Variants in AFF3 observed in about 807,000 individuals in gnomAD.
AFF3 encodes ALF transcription elongation factor 3, also known as AF4/FMR2 family member 3.
AFF3 carries 32 observed loss-of-function variants against 129.7 expected under a neutral mutation model. The observed-to-expected ratio is 0.25, with a 90% CI of 0.19 to 0.33. The LOEUF is 0.33. Ranked by LOEUF, AFF3 falls within the 10% of genes least tolerant of loss-of-function variation. The pLI is 1.00. For missense variants in AFF3, 1,373 were observed against 1,592.0 expected, an observed-to-expected ratio of 0.86 and a Z score of 2.34; for synonymous variants, 644 against 635.4, an observed-to-expected ratio of 1.01 and a Z score of -0.20.
intron 13 of AFF3, among the ~76,000 whole-genome samples, chr2:99,639,270 T>G (rs1014589876): frequency 6.6e-6 from 1 of 152,152 alleles, no homozygotes; most frequent in Non-Finnish European, 1.5e-5. Context: ...TTGTGGAAAT[T>G]AGTACTAGGG....
chr2:99,983,511 C>T (rs1464055350), intron 7 of AFF3, among the ~76,000 whole-genome samples: 1 of 152,160 alleles, frequency 6.6e-6, no homozygotes, highest in Non-Finnish European at 1.5e-5. Context: ...TACTTGACAA[C>T]ATCTCTGCTA....
intron 7 of AFF3, among the ~76,000 whole-genome samples, chr2:99,901,747 C>T (rs1266956769): frequency 6.6e-6 from 1 of 152,192 alleles, no homozygotes; most frequent in Non-Finnish European, 1.5e-5. Flanking sequence ...CTCCCTGCAT[C>T]TGCTCTTTCT....
At chr2:100,081,443 C>G (rs916103878) in intron 4 of AFF3, among the ~76,000 whole-genome samples, 2 of 151,812 alleles carry the variant, frequency 1.3e-5, no homozygotes, top group African/African-American at 4.8e-5. Context: ...AAAATCGCCA[C>G]CATGTCAGTG....
intron 14 of AFF3, among the ~76,000 whole-genome samples, chr2:99,600,765 A>T (rs916196532): frequency 2.0e-5 from 3 of 151,974 alleles, no homozygotes; most frequent in African/African-American, 7.3e-5. Context: ...TTACTATTTA[A>T]TTTTCCCCTT....
chr2:99,926,211 CGA>C (rs1268134021), intron 7 of AFF3, among the ~76,000 whole-genome samples: 1 of 152,158 alleles, frequency 6.6e-6, no homozygotes, highest in Admixed American at 6.5e-5. Flanking sequence ...GAAAGGAAAG[CGA>C]GAGAGCTAGT....
At chr2:100,032,716 G>A (rs567027034) in intron 4 of AFF3, among the ~76,000 whole-genome samples, 1 of 152,184 alleles carries the variant, frequency 6.6e-6, no homozygotes, top group African/African-American at 2.4e-5. Flanking sequence ...GCCAATTTTT[G>A]TCAAAAGTTA....
In AFF3 at chr2:99,565,445, C is replaced by G. The variant is rs1575368438; in HGVS notation, c.3119+42G>C. On this transcript the variant is annotated intron_variant, in intron 20 of 24. Transcript: ENST00000672756. ...TGTAACCATAGTGCTTCCACACATT[C>G]CTCACTCCTCCCCTCATCCAGCAAG... is the stretch of plus-strand genomic sequence containing the variant. 5.0e-6 allele frequency: 8 copies of G among 1,602,432 alleles called. No individual in the cohort carries two copies. In the African/African-American group the frequency reaches 5.4e-5, roughly 11 times the overall value.
intron 19 of AFF3, among the ~76,000 whole-genome samples, chr2:99,566,472 T>C (rs1675978818): frequency 6.6e-6 from 1 of 152,168 alleles, no homozygotes; most frequent in Admixed American, 6.5e-5. Context: ...CACTCGAGCC[T>C]GGAAGTTTGA....
intron 11 of AFF3, among the ~76,000 whole-genome samples, chr2:99,699,467 A>G (rs1259450961): frequency 1.3e-5 from 2 of 152,200 alleles, no homozygotes; most frequent in Non-Finnish European, 2.9e-5. Context: ...AAAAGTGGGG[A>G]GAGCAATTCT....
chr2:99,925,210 T>C (rs373114983), intron 7 of AFF3, among the ~76,000 whole-genome samples: 1 of 152,154 alleles, frequency 6.6e-6, no homozygotes, highest in Admixed American at 6.5e-5. Context: ...AACTACAGCA[T>C]GAAGTATAAA....
chr2:99,687,256 T>C (rs6728654), intron 11 of AFF3, among the ~76,000 whole-genome samples: 9,153 of 152,314 alleles, frequency 0.06, 914 homozygotes, highest in African/African-American at 0.21. Flanking sequence ...CATGCAGCCA[T>C]TTTTAATAGT....
At chr2:99,794,182 T>C (rs10496342) in intron 8 of AFF3, among the ~76,000 whole-genome samples, 25,579 of 152,206 alleles carry the variant, frequency 0.17, 2,356 homozygotes, top group Non-Finnish European at 0.2. Flanking sequence ...TCTATTTTCC[T>C]TTTGCTATGG....
At chr2:100,038,668 T>A (rs35774174) in intron 4 of AFF3, among the ~76,000 whole-genome samples, 23,651 of 151,856 alleles carry the variant, frequency 0.16, 2,097 homozygotes, top group East Asian at 0.29. Context: ...ATTTAAATAA[T>A]TTAATTTGTA....
chr2:99,958,454 C>T (rs1440029841), intron 7 of AFF3, among the ~76,000 whole-genome samples: 4 of 148,940 alleles, frequency 2.7e-5, no homozygotes, highest in African/African-American at 9.9e-5. Flanking sequence ...CACTGCACTC[C>T]AGCCTGGGTG....
At chr2:99,741,769 C>G (rs1206334301) in intron 10 of AFF3, among the ~76,000 whole-genome samples, 1 of 152,000 alleles carries the variant, frequency 6.6e-6, no homozygotes, top group East Asian at 1.9e-4. Context: ...CAAGTCAATC[C>G]TAAGCCAAAA....
At chr2:100,010,529 T>C (rs1682433969) in intron 4 of AFF3, among the ~76,000 whole-genome samples, 1 of 152,206 alleles carries the variant, frequency 6.6e-6, no homozygotes, top group Admixed American at 6.5e-5. Flanking sequence ...CTATTAGCAT[T>C]TTAATTCATC....
intron 11 of AFF3, among the ~76,000 whole-genome samples, chr2:99,697,036 A>T (rs1339284816): frequency 6.6e-6 from 1 of 152,098 alleles, no homozygotes; most frequent in Non-Finnish European, 1.5e-5. Flanking sequence ...TTTCTAAGGG[A>T]GTGAGGCCCT....
intron 8 of AFF3, among the ~76,000 whole-genome samples, chr2:99,805,317 C>T (rs1290362339): frequency 3.9e-5 from 6 of 152,098 alleles, no homozygotes; most frequent in Admixed American, 3.9e-4. Flanking sequence ...TTAAGTTCAA[C>T]TTAAAGAAGA....
chr2:100,083,743 G>A (rs959941974), intron 4 of AFF3, among the ~76,000 whole-genome samples: 6 of 152,070 alleles, frequency 3.9e-5, no homozygotes, highest in Admixed American at 1.3e-4. Context: ...ATGCAGAGAC[G>A]ATGAGAGGGA....
Sources: allele counts gnomAD v4.1 joint callset (sites outside exome capture counted in the v4.1 genomes callset), GRCh38; gene constraint gnomAD v4.1.1; transcripts MANE v1.5; gene names NCBI Gene and HGNC (gene_info 2026-07-23, HGNC 2026-07-21).